LIMCH1: variants seen among roughly 807,000 people sequenced by gnomAD.
LIMCH1 encodes LIM and calponin homology domains 1.
In LIMCH1, 113 loss-of-function variants were observed where a neutral mutation model predicts 176.5. The observed-to-expected ratio is 0.64, with a 90% CI of 0.55 to 0.75. LIMCH1 has a LOEUF of 0.75. LIMCH1 is among the 30% of genes least tolerant of loss of function. LIMCH1 has a pLI of 0.00. For missense variants in LIMCH1, 1,674 were observed against 1,814.9 expected, an observed-to-expected ratio of 0.92 and a Z score of 1.41; for synonymous variants, 619 against 645.9, an observed-to-expected ratio of 0.96 and a Z score of 0.63.
chr4:41,441,000 C>T (rs2154141319), intron 1 of LIMCH1, among the ~76,000 whole-genome samples: 1 of 152,160 alleles, frequency 6.6e-6, no homozygotes, highest in East Asian at 1.9e-4. Context: ...AGATTCTTTT[C>T]CTTCATGTTT....
chr4:41,519,617 G>T (rs915343734), intron 2 of LIMCH1, among the ~76,000 whole-genome samples: 12 of 152,126 alleles, frequency 7.9e-5, no homozygotes, highest in Admixed American at 7.2e-4. Context: ...TCTAAAGGTG[G>T]CCAGAGAAAG....
At chr4:41,694,780 G>A (rs1337958183) in intron 31 of LIMCH1, among the ~76,000 whole-genome samples, 2 of 152,084 alleles carry the variant, frequency 1.3e-5, no homozygotes, top group Non-Finnish European at 2.9e-5. Context: ...CACAGGTGAC[G>A]TAAAAGGCAT....
At chr4:41,521,183 C>G (rs1184199191) in intron 2 of LIMCH1, among the ~76,000 whole-genome samples, 3 of 152,160 alleles carry the variant, frequency 2.0e-5, no homozygotes, top group Admixed American at 6.5e-5. Flanking sequence ...ATGACACATA[C>G]TGAGGTTGGA....
intron 13 of LIMCH1, 103 bp from the exon 14 acceptor site, chr4:41,638,828 AG>A: frequency 8.0e-6 from 7 of 872,816 alleles, no homozygotes; most frequent in Non-Finnish European, 1.2e-5. Flanking sequence ...TCAGCAAAAA[AG>A]GTTTGGCGCA....
Position 41,439,778 on chromosome 4 carries a change from C to G in LIMCH1, c.97-54758C>G, listed in dbSNP as rs1362306921. ...AATGAGGCGGGCATGGTAATGTGCC[C>G]CTATCATCCCTGCTGCTCTGGAGGC... On this transcript the variant is annotated intron_variant, in intron 1 of 26. Coordinates refer to the LIMCH1 transcript ENST00000313860. Among the ~76,000 whole-genome samples, 3 of 152,066 alleles carry G rather than the reference C, an allele frequency of 2.0e-5. No homozygotes were observed. In the South Asian group the frequency reaches 6.3e-4, roughly 32 times the overall value.
chr4:41,553,362 T>C (rs2080801320), intron 1 of LIMCH1, among the ~76,000 whole-genome samples: 1 of 152,160 alleles, frequency 6.6e-6, no homozygotes, highest in African/African-American at 2.4e-5. Context: ...TAATTGAGTC[T>C]ACTTGGGAAT....
intron 30 of LIMCH1, among the ~76,000 whole-genome samples, chr4:41,690,845 A>G (rs1724978482): frequency 6.6e-6 from 1 of 152,214 alleles, no homozygotes; most frequent in African/African-American, 2.4e-5. Flanking sequence ...TTTTATTTCT[A>G]TAGAGAACCA....
At chr4:41,437,262 C>T (rs752988640) in intron 1 of LIMCH1, among the ~76,000 whole-genome samples, 3 of 152,180 alleles carry the variant, frequency 2.0e-5, no homozygotes, top group Non-Finnish European at 4.4e-5. Flanking sequence ...CCCAAGTGAC[C>T]TCTCACTCAA....
At chr4:41,590,943 T>G (rs6850535) in intron 1 of LIMCH1, among the ~76,000 whole-genome samples, 10 of 152,224 alleles carry the variant, frequency 6.6e-5, no homozygotes, top group Non-Finnish European at 1.3e-4. Context: ...AATTATGTGG[T>G]AAGTTCCTGG....
chr4:41,477,147 C>A (rs1344146032), intron 1 of LIMCH1, among the ~76,000 whole-genome samples: 1 of 152,130 alleles, frequency 6.6e-6, no homozygotes, highest in Non-Finnish European at 1.5e-5. Flanking sequence ...CACCTGCTAG[C>A]TATAGGAAAT....
upstream of LIMCH1, among the ~76,000 whole-genome samples, chr4:41,535,162 C>CAAAAAAAAAAAA (rs61639965): frequency 9.5e-5 from 8 of 83,980 alleles, no homozygotes; most frequent in African/African-American, 2.4e-4. Flanking sequence ...GACCCTGTCA[C>CAAAAAAAAAAAA]AAAAAAAAAA....
chr4:41,638,969 T>C lies in LIMCH1; in HGVS notation c.2126+2T>C, dbSNP rs973726085. On this transcript the variant is annotated splice_donor_variant, in intron 14 of 31. Transcript: ENST00000503057. LOFTEE classifies it high-confidence loss of function. ...AACTCCTGTGTCTGATGACGCAGAG[T>C]AAGTTGCCTTGTATTTGTAGGATTA... The C allele has an allele frequency of 6.3e-7, 1 of 1,581,668 alleles. No individual in the cohort carries two copies. Among genetic ancestry groups the C allele is most frequent in the Non-Finnish European group, 8.6e-7 (1 of 1,169,176 alleles).
intron 21 of LIMCH1, among the ~76,000 whole-genome samples, chr4:41,669,206 A>C (rs927892138): frequency 6.6e-6 from 1 of 152,176 alleles, no homozygotes; most frequent in African/African-American, 2.4e-5. Context: ...TGTAAACTAG[A>C]AATAATACCA....
At chr4:41,437,790 T>A (rs2062243764) in intron 1 of LIMCH1, among the ~76,000 whole-genome samples, 1 of 152,260 alleles carries the variant, frequency 6.6e-6, no homozygotes, top group Non-Finnish European at 1.5e-5. Flanking sequence ...TTTTGTTTTT[T>A]TTCTTTTGGT....
At chr4:41,643,548 A>G (rs1202505950) in intron 14 of LIMCH1, among the ~76,000 whole-genome samples, 2 of 152,180 alleles carry the variant, frequency 1.3e-5, no homozygotes. Context: ...TGCTGTAACA[A>G]AGGTTTATGT....
intron 1 of LIMCH1, among the ~76,000 whole-genome samples, chr4:41,384,743 T>C (rs938425632): frequency 1.3e-5 from 2 of 152,192 alleles, no homozygotes; most frequent in African/African-American, 4.8e-5. Flanking sequence ...GTTGTAGATA[T>C]ATTAAGTTTG....
At chr4:41,603,213 A>T (rs2090222959) in intron 2 of LIMCH1, among the ~76,000 whole-genome samples, 1 of 152,230 alleles carries the variant, frequency 6.6e-6, no homozygotes, top group South Asian at 2.1e-4. Context: ...TGTTAAAAAA[A>T]CTTTGAAATA....
intron 1 of LIMCH1, among the ~76,000 whole-genome samples, chr4:41,589,369 C>T (rs995765262): frequency 4.6e-5 from 7 of 151,952 alleles, no homozygotes; most frequent in African/African-American, 1.7e-4. Context: ...GCTGAAGCCG[C>T]ATCGGGGGTG....
chr4:41,502,023 A>G (rs73233708), intron 2 of LIMCH1, among the ~76,000 whole-genome samples: 7,592 of 151,788 alleles, frequency 0.05, 232 homozygotes, highest in East Asian at 0.12. Flanking sequence ...CCCAGCATCC[A>G]TGAGCTATTC....
Sources: gnomAD v4.1 joint callset for allele counts (sites outside exome capture counted in the v4.1 genomes callset) on GRCh38, gnomAD v4.1.1 for gene constraint, MANE v1.5 for transcripts, NCBI Gene and HGNC (gene_info 2026-07-23, HGNC 2026-07-21) for gene names.